USP15: variants seen among roughly 807,000 people sequenced by gnomAD.
USP15 encodes ubiquitin carboxyl-terminal hydrolase 15.
Under a neutral mutation model 127.1 loss-of-function variants are expected in USP15, and 18 were observed. The observed-to-expected ratio is 0.14, with a 90% CI of 0.10 to 0.21. USP15 has a LOEUF of 0.21. Ranked by LOEUF, USP15 falls within the 10% of genes least tolerant of loss-of-function variation. The probability of loss-of-function intolerance (pLI) is 1.00; values close to 1 mark genes in which losing one functional copy is unlikely to be tolerated. For missense variants in USP15, 805 were observed against 1,159.9 expected, an observed-to-expected ratio of 0.69 and a Z score of 4.44; for synonymous variants, 364 against 393.7, an observed-to-expected ratio of 0.92 and a Z score of 0.89.
At chr12:62,370,496 G>A (rs549335621) in intron 8 of USP15, among the ~76,000 whole-genome samples, 1 of 152,294 alleles carries the variant, frequency 6.6e-6, no homozygotes, top group East Asian at 1.9e-4. Context: ...CCACTTACAA[G>A]TTGTGTGACC....
chr12:62,282,445 G>A (rs1024284770), intron 1 of USP15, among the ~76,000 whole-genome samples: 1 of 152,210 alleles, frequency 6.6e-6, no homozygotes, highest in African/African-American at 2.4e-5. Context: ...TTATGTGGAT[G>A]TGGTTTCTCA....
intron 7 of USP15, among the ~76,000 whole-genome samples, chr12:62,352,862 A>G (rs1184892020): frequency 6.6e-6 from 1 of 151,972 alleles, no homozygotes. Flanking sequence ...GTGTATTTTT[A>G]TTAAAGAAGG....
At chr12:62,340,604 A>G (rs1336055398) in intron 6 of USP15, among the ~76,000 whole-genome samples, 1 of 152,180 alleles carries the variant, frequency 6.6e-6, no homozygotes, top group Non-Finnish European at 1.5e-5. Context: ...GGTTTCAAAG[A>G]ACTTCTTTAT....
At chr12:62,270,639 T>C (rs1430485151) in intron 1 of USP15, among the ~76,000 whole-genome samples, 1 of 152,094 alleles carries the variant, frequency 6.6e-6, no homozygotes, top group Non-Finnish European at 1.5e-5. Flanking sequence ...CCTGTGCAAT[T>C]ATCTTGGTAC....
chr12:62,286,314 C>G (rs1257558433), intron 1 of USP15, among the ~76,000 whole-genome samples: 1 of 152,018 alleles, frequency 6.6e-6, no homozygotes, highest in East Asian at 1.9e-4. Flanking sequence ...AAATACAAAT[C>G]AAAACCACAG....
chr12:62,288,089 A>G (rs1565820565), intron 1 of USP15, among the ~76,000 whole-genome samples: 1 of 152,056 alleles, frequency 6.6e-6, no homozygotes, highest in African/African-American at 2.4e-5. Context: ...TTTTTATTTC[A>G]TATGAGTTTT....
intron 3 of USP15, among the ~76,000 whole-genome samples, chr12:62,310,120 T>A (rs562576102): frequency 1.3e-5 from 2 of 151,986 alleles, no homozygotes; most frequent in Non-Finnish European, 1.5e-5. Context: ...TTGCCTGATA[T>A]AAGGGCAGTA....
chr12:62,394,313 A>G (rs992571923), intron 19 of USP15, among the ~76,000 whole-genome samples: 2 of 152,248 alleles, frequency 1.3e-5, no homozygotes. Context: ...GTACACCAAA[A>G]TGTACTTGAT....
At chr12:62,268,284 T>A (rs1056725754) in intron 1 of USP15, among the ~76,000 whole-genome samples, 4 of 152,112 alleles carry the variant, frequency 2.6e-5, no homozygotes, top group Non-Finnish European at 5.9e-5. Flanking sequence ...ACTTAAAGCT[T>A]GCATTTTAAA....
intron 8 of USP15, among the ~76,000 whole-genome samples, chr12:62,363,166 T>C (rs1360190980): frequency 4.6e-5 from 7 of 152,214 alleles, no homozygotes; most frequent in Admixed American, 4.6e-4. Context: ...GCTAGCTGGT[T>C]TCTTTGCTTC....
At chr12:62,385,434 T>G (rs1388663926) in intron 11 of USP15, among the ~76,000 whole-genome samples, 1 of 152,026 alleles carries the variant, frequency 6.6e-6, no homozygotes, top group Non-Finnish European at 1.5e-5. Flanking sequence ...TATGTAGTGT[T>G]CATAAACACA....
chr12:62,333,064 T>A (rs914498741), intron 6 of USP15, among the ~76,000 whole-genome samples: 1 of 152,226 alleles, frequency 6.6e-6, no homozygotes, highest in African/African-American at 2.4e-5. Context: ...CCTGTTTGCA[T>A]TTATAACTGC....
At chr12:62,302,113 A>G (rs1271483477) in intron 2 of USP15, among the ~76,000 whole-genome samples, 1 of 152,168 alleles carries the variant, frequency 6.6e-6, no homozygotes, top group African/African-American at 2.4e-5. Context: ...TCTTGGGAGA[A>G]ATCCAGATTG....
rs961999333 is a variant in USP15 at position 62,375,602 on chromosome 12, G to A, written c.916-5888G>A. Among the ~76,000 whole-genome samples the A allele has an allele frequency of 3.9e-5, 6 of 152,188 alleles. 1 individual carries two copies. In the South Asian group the frequency reaches 8.3e-4, roughly 21 times the overall value. On this transcript the variant is annotated intron_variant, in intron 8 of 21. Transcript: ENST00000280377. ...TATTCGTTCTTCCTTGATACACAGAGGAAGATACGACATTTAGAAGAGATG... is the reference window on the plus strand; with the variant it reads ...TATTCGTTCTTCCTTGATACACAGAAGAAGATACGACATTTAGAAGAGATG...
At chr12:62,339,567 A>G (rs1052654746) in intron 6 of USP15, among the ~76,000 whole-genome samples, 7 of 151,238 alleles carry the variant, frequency 4.6e-5, no homozygotes, top group African/African-American at 1.5e-4. Context: ...TGTTTCATCA[A>G]TAGTTTATTG....
rs1235987106 is a variant in USP15 at position 62,314,889 on chromosome 12, C to G, written c.448C>G (p.Arg150Gly). ...TGGAAACATGAATAATGTTGTAACT[C>G]GAAGATTTAGCAAAGCTGACACAAT... ...ENGNMNNVVT[R>G]RFSKADTIDT... Residue 150 changes from arginine (R) to glycine (G), a missense_variant, in exon 4 of 22, where the codon CGA becomes GGA. Transcript: ENST00000280377. 4 of 1,589,450 alleles carry G rather than the reference C, an allele frequency of 2.5e-6. No homozygotes were observed. The highest frequency in any genetic ancestry group is 1.8e-5 in the Admixed American group (1 of 56,334).
chr12:62,306,661 C>G (rs2064491366), intron 3 of USP15, among the ~76,000 whole-genome samples: 1 of 151,600 alleles, frequency 6.6e-6, no homozygotes, highest in Admixed American at 6.6e-5. Flanking sequence ...GAGAAATACA[C>G]TAAAGAAAGG....
intron 6 of USP15, among the ~76,000 whole-genome samples, chr12:62,331,056 C>T (rs915668825): frequency 6.6e-5 from 10 of 151,730 alleles, no homozygotes; most frequent in Non-Finnish European, 1.3e-4. Flanking sequence ...TATTAAGATA[C>T]AGAACAGTTT....
At chr12:62,266,249 T>C (rs1393385934) in intron 1 of USP15, among the ~76,000 whole-genome samples, 1 of 152,172 alleles carries the variant, frequency 6.6e-6, no homozygotes, top group African/African-American at 2.4e-5. Context: ...ATGAAGCATA[T>C]AGTAAGATCT....
Sources: gnomAD v4.1 joint callset for allele counts (sites outside exome capture counted in the v4.1 genomes callset) on GRCh38, gnomAD v4.1.1 for gene constraint, MANE v1.5 for transcripts, NCBI Gene and HGNC (gene_info 2026-07-23, HGNC 2026-07-21) for gene names.